The following CAMK4 variants were observed in gnomAD, a reference collection of about 807,000 sequenced individuals.
The protein encoded by CAMK4 is calcium/calmodulin-dependent protein kinase type IV.
In CAMK4, 22 loss-of-function variants were observed where a neutral mutation model predicts 44.9. That is an observed-to-expected ratio of 0.49 (90% confidence interval 0.35 to 0.70). The LOEUF (loss-of-function observed/expected upper bound fraction) is 0.70. Among genes scored for constraint, CAMK4 ranks in the 30% least tolerant of loss-of-function variants. The pLI is 0.01. For missense variants in CAMK4, 498 were observed against 586.8 expected (o/e 0.85, Z 1.56); for synonymous variants, 218 against 215.4 (o/e 1.01, Z -0.11).
chr5:111,445,679 C>T (rs186958519), intron 5 of CAMK4, among the ~76,000 whole-genome samples: 28 of 152,258 alleles, frequency 1.8e-4, no homozygotes, highest in Non-Finnish European at 2.6e-4. Context: ...CCTTCCACCT[C>T]GGCCCACCGA....
chr5:111,317,490 C>T (rs1748475178), intron 1 of CAMK4, among the ~76,000 whole-genome samples: 1 of 152,130 alleles, frequency 6.6e-6, no homozygotes, highest in South Asian at 2.1e-4. Context: ...TTTTATAATA[C>T]AGCATTTATT....
chr5:111,329,454 G>A (rs62375625), intron 1 of CAMK4, among the ~76,000 whole-genome samples: 72 of 151,936 alleles, frequency 4.7e-4, no homozygotes, highest in Non-Finnish European at 8.7e-4. Flanking sequence ...GTTTACAGAT[G>A]ACAAAATCTT....
At position 111,489,193 on chromosome 5, in the gene CAMK4, A is replaced by G. The variant is rs1755730948; in HGVS notation, c.*4727A>G. The G allele has an allele frequency of 6.6e-6, 1 of 152,220 alleles. No homozygotes were observed. The highest frequency in any genetic ancestry group is 1.5e-5 in the Non-Finnish European group (1 of 68,036). The allele number at this position is 152,220 out of a possible 1,614,324, so 9.4% of individuals were successfully genotyped here. On this transcript the variant is annotated 3_prime_UTR_variant, in exon 11 of 11. Transcript: ENST00000282356. ...CCAATAATTTCCTATAAAATTTTTCAAAGTCCTTTTATTCCCCTGACACAC... is the reference window on the plus strand; with the variant it reads ...CCAATAATTTCCTATAAAATTTTTCGAAGTCCTTTTATTCCCCTGACACAC...
At chr5:111,348,811 C>T (rs1359711151) in intron 2 of CAMK4, among the ~76,000 whole-genome samples, 1 of 151,982 alleles carries the variant, frequency 6.6e-6, no homozygotes, top group African/African-American at 2.4e-5. Context: ...AACATTGAGA[C>T]CCTGTTCGCA....
intron 1 of CAMK4, among the ~76,000 whole-genome samples, chr5:111,331,111 T>C (rs141843506): frequency 1.4e-3 from 214 of 151,750 alleles, no homozygotes; most frequent in African/African-American, 4.6e-3. Context: ...AACTGATAAA[T>C]TGGATCTCAA....
intron 1 of CAMK4, among the ~76,000 whole-genome samples, chr5:111,228,940 A>G (rs1265025086): frequency 6.6e-6 from 1 of 152,220 alleles, no homozygotes; most frequent in Non-Finnish European, 1.5e-5. Context: ...GCACACAGTA[A>G]TTTGAACTGG....
intron 1 of CAMK4, among the ~76,000 whole-genome samples, chr5:111,236,657 A>G (rs1197952163): frequency 6.6e-6 from 1 of 152,098 alleles, no homozygotes; most frequent in Non-Finnish European, 1.5e-5. Context: ...TCTCCTATGA[A>G]TCCCTCCAGG....
At chr5:111,370,938 G>A (rs546116363) in intron 2 of CAMK4, among the ~76,000 whole-genome samples, 6 of 92,670 alleles carry the variant, frequency 6.5e-5, no homozygotes, top group Non-Finnish European at 1.4e-4. Flanking sequence ...AAAACAACGT[G>A]TATCCTTATG....
At chr5:111,459,408 C>T (rs1190147674) in intron 7 of CAMK4, among the ~76,000 whole-genome samples, 1 of 152,156 alleles carries the variant, frequency 6.6e-6, no homozygotes, top group Non-Finnish European at 1.5e-5. Flanking sequence ...ACTCATCACT[C>T]AGGATCCAAG....
intron 1 of CAMK4, among the ~76,000 whole-genome samples, chr5:111,315,292 G>C (rs377559321): frequency 2.6e-5 from 4 of 152,080 alleles, no homozygotes; most frequent in African/African-American, 9.7e-5. Flanking sequence ...GGAATAGTGA[G>C]CTATTTTAAT....
At chr5:111,359,658 A>G (rs907841488) in intron 2 of CAMK4, among the ~76,000 whole-genome samples, 7 of 152,084 alleles carry the variant, frequency 4.6e-5, no homozygotes, top group African/African-American at 1.7e-4. Context: ...TTCCTTGCCA[A>G]TTCCTATGTC....
Position 111,446,695 on chromosome 5 carries a change from GA to G in CAMK4, c.473del (p.Asn158MetfsTer41). ...QILEAVAYLHENGIVHRDLKP... is the reference protein window; with the variant it reads ...QILEAVAYLHXNGIVHRDLKP... ...TATTTTCCCTCTTTAGTATCTACATGAAAATGGGATTGTCCATCGTGATCTC... is the reference window on the plus strand; with the variant it reads ...TATTTTCCCTCTTTAGTATCTACATGAAATGGGATTGTCCATCGTGATCTC... On this transcript the variant is annotated frameshift_variant, in exon 6 of 11. Transcript: ENST00000282356. LOFTEE classifies it high-confidence loss of function. 1 of 1,567,876 alleles carries G rather than the reference GA, an allele frequency of 6.4e-7. No homozygotes were observed. Among genetic ancestry groups the G allele is most frequent in the Non-Finnish European group, 8.7e-7 (1 of 1,144,444 alleles).
At chr5:111,324,177 A>G (rs973410873) in intron 1 of CAMK4, among the ~76,000 whole-genome samples, 2 of 151,956 alleles carry the variant, frequency 1.3e-5, no homozygotes, top group African/African-American at 4.8e-5. Context: ...AAATGAAACA[A>G]TTTTTTAAAA....
At chr5:111,333,856 G>A (rs902059604) in intron 1 of CAMK4, among the ~76,000 whole-genome samples, 1 of 151,536 alleles carries the variant, frequency 6.6e-6, no homozygotes, top group Non-Finnish European at 1.5e-5. Flanking sequence ...GGGTTTGTAG[G>A]TCAGGAATGA....
At chr5:111,428,666 G>C (rs981898181) in intron 5 of CAMK4, among the ~76,000 whole-genome samples, 1 of 152,128 alleles carries the variant, frequency 6.6e-6, no homozygotes, top group Non-Finnish European at 1.5e-5. Flanking sequence ...TTGAAGACAG[G>C]CTGATTGAAA....
chr5:111,364,269 A>G (rs1450070884), intron 2 of CAMK4, among the ~76,000 whole-genome samples: 1 of 152,084 alleles, frequency 6.6e-6, no homozygotes, highest in Non-Finnish European at 1.5e-5. Flanking sequence ...AGCAAGAGAA[A>G]AAAGTGCTGG....
At chr5:111,232,421 A>G (rs1435062060) in intron 1 of CAMK4, among the ~76,000 whole-genome samples, 16 of 152,150 alleles carry the variant, frequency 1.1e-4, no homozygotes, top group Non-Finnish European at 2.4e-4. Context: ...GGCAAACAGC[A>G]TGTCAGGCAG....
At chr5:111,340,407 G>A (rs1311417637) in intron 1 of CAMK4, among the ~76,000 whole-genome samples, 1 of 151,168 alleles carries the variant, frequency 6.6e-6, no homozygotes, top group African/African-American at 2.4e-5. Context: ...TACGTAATTT[G>A]TTGAGAGTTT....
chr5:111,360,134 T>A (rs1470243218), intron 2 of CAMK4, among the ~76,000 whole-genome samples: 1 of 152,090 alleles, frequency 6.6e-6, no homozygotes. Context: ...ACTGGATACC[T>A]GGGAGGAAAA....
Sources: gnomAD v4.1 joint callset for allele counts (sites outside exome capture counted in the v4.1 genomes callset) on GRCh38, gnomAD v4.1.1 for gene constraint, MANE v1.5 for transcripts, NCBI Gene and HGNC (gene_info 2026-07-23, HGNC 2026-07-21) for gene names.